Variants in SLCO6A1 observed in about 807,000 individuals in gnomAD.
SLCO6A1 encodes cancer/testis antigen 48.
In SLCO6A1, 65 loss-of-function variants were observed where a neutral mutation model predicts 72.7. The ratio of observed to expected loss-of-function variants is 0.89; its 90% CI spans 0.73 to 1.10. The LOEUF (loss-of-function observed/expected upper bound fraction) is 1.10. SLCO6A1 is among the 50% of genes least tolerant of loss of function. SLCO6A1 has a pLI of 0.00. For missense variants in SLCO6A1, 874 were observed against 872.6 expected (o/e 1.00, Z -0.02); for synonymous variants, 314 against 298.2 (o/e 1.05, Z -0.55).
At chr5:102,414,074 A>C (rs188360829) in intron 8 of SLCO6A1, among the ~76,000 whole-genome samples, 13 of 152,146 alleles carry the variant, frequency 8.5e-5, no homozygotes, top group African/African-American at 2.9e-4. Flanking sequence ...GTAGTTTTTA[A>C]ATTTCTGACA....
chr5:102,454,311 C>T lies in SLCO6A1; in HGVS notation c.1131+4071G>A, dbSNP rs183233853. ...ATGGATGCAGTCCCAAATTTAAATG[C>T]CACAGACCCTACTCTTCTAACCAAT... On this transcript the variant is annotated intron_variant, in intron 6 of 13. Transcript: ENST00000506729. Among the ~76,000 whole-genome samples the T allele has an allele frequency of 1.9e-3, 290 of 152,258 alleles. 3 individuals carry two copies. Among genetic ancestry groups the T allele is most frequent in the African/African-American group, 6.7e-3 (280 of 41,548 alleles).
Position 102,458,501 on chromosome 5 carries a change from A to T in SLCO6A1, c.1022-10T>A, listed in dbSNP as rs1238894960. 1.3e-6 allele frequency: 2 copies of T among 1,586,188 alleles called. No individual in the cohort carries two copies. Among genetic ancestry groups the T allele is most frequent in the African/African-American group, 2.7e-5 (2 of 73,728 alleles). ...TTTATCCGTGTTGAACCTATATATA[A>T]ACAAGTAAAAAAACTTATGACATAT... On this transcript the variant is annotated splice_polypyrimidine_tract_variant and intron_variant, in intron 5 of 13. Transcript: ENST00000506729.
chr5:102,449,187 G>A (rs572364704), intron 6 of SLCO6A1, among the ~76,000 whole-genome samples: 4 of 152,180 alleles, frequency 2.6e-5, no homozygotes, highest in South Asian at 2.1e-4. Context: ...CCAGAATATA[G>A]ACCCCCAATC....
chr5:102,406,859 G>A (rs180741724), intron 9 of SLCO6A1, among the ~76,000 whole-genome samples: 123 of 152,286 alleles, frequency 8.1e-4, no homozygotes, highest in Middle Eastern at 6.8e-3. Context: ...CTGGAAGATA[G>A]ATGAACAGAA....
At chr5:102,479,150 T>G (rs187468581) in intron 2 of SLCO6A1, among the ~76,000 whole-genome samples, 1 of 152,204 alleles carries the variant, frequency 6.6e-6, no homozygotes, top group East Asian at 1.9e-4. Flanking sequence ...GGGAGCAGAT[T>G]TCCCCCTTGC....
intron 4 of SLCO6A1, among the ~76,000 whole-genome samples, chr5:102,464,916 A>C (rs1221770643): frequency 6.6e-6 from 1 of 152,134 alleles, no homozygotes; most frequent in Non-Finnish European, 1.5e-5. Flanking sequence ...AAAAGTAGGG[A>C]GTGGAACTAT....
chr5:102,474,106 C>T (rs556057859), intron 4 of SLCO6A1, among the ~76,000 whole-genome samples: 1 of 151,852 alleles, frequency 6.6e-6, no homozygotes, highest in African/African-American at 2.4e-5. Flanking sequence ...TCAGAAAAGA[C>T]CCTGAACAGC....
chr5:102,449,808 C>T (rs561678442), intron 6 of SLCO6A1, among the ~76,000 whole-genome samples: 12 of 152,260 alleles, frequency 7.9e-5, no homozygotes, highest in African/African-American at 2.9e-4. Flanking sequence ...TAGACTTGGT[C>T]TATTAACATA....
chr5:102,398,775 T>C (rs1747239988), intron 10 of SLCO6A1, among the ~76,000 whole-genome samples: 1 of 152,268 alleles, frequency 6.6e-6, no homozygotes, highest in Admixed American at 6.5e-5. Flanking sequence ...CATACATTTT[T>C]TGGCTTCACT....
chr5:102,385,067 G>A (rs1214861284), intron 12 of SLCO6A1, among the ~76,000 whole-genome samples: 1 of 151,920 alleles, frequency 6.6e-6, no homozygotes, highest in Non-Finnish European at 1.5e-5. Flanking sequence ...TCTTTTTTCT[G>A]ATGGATGGAC....
chr5:102,477,681 T>G lies in SLCO6A1; in HGVS notation c.797A>C (p.Tyr266Ser), dbSNP rs745660581. 5.0e-5 allele frequency: 80 copies of G among 1,610,464 alleles called. No homozygotes were observed. Among genetic ancestry groups the G allele is most frequent in the Non-Finnish European group, 6.1e-5 (72 of 1,178,742 alleles). Reference sequence around the variant, plus strand: ...ATAGAGGGGGTAAAACTTGCCTAAATAGATACCAGCTGAGTGTGTAGCAAC... The same window carrying G: ...ATAGAGGGGGTAAAACTTGCCTAAAGAGATACCAGCTGAGTGTGTAGCAAC... Reference protein sequence around the residue: ...ENVATHSAGIYLGIAECTSMI... With the variant: ...ENVATHSAGISLGIAECTSMI... Residue 266 changes from tyrosine to serine, a missense_variant, in exon 3 of 14, where the codon TAT (tyrosine) becomes TCT (serine). Coordinates refer to ENST00000506729, the MANE Select transcript of SLCO6A1 (RefSeq NM_173488.5).
At chr5:102,496,208 A>T (rs1359196170) in intron 1 of SLCO6A1, among the ~76,000 whole-genome samples, 1 of 152,236 alleles carries the variant, frequency 6.6e-6, no homozygotes, top group Non-Finnish European at 1.5e-5. Context: ...ATAGGGAAAG[A>T]GAAGGCGAAG....
At chr5:102,398,397 C>T (rs1269743556) in intron 10 of SLCO6A1, among the ~76,000 whole-genome samples, 1 of 152,022 alleles carries the variant, frequency 6.6e-6, no homozygotes, top group Non-Finnish European at 1.5e-5. Context: ...AGGCTGGTCT[C>T]GAATTCCTGA....
chr5:102,376,720 G>A (rs1384245703), intron 12 of SLCO6A1, among the ~76,000 whole-genome samples: 1 of 152,026 alleles, frequency 6.6e-6, no homozygotes, highest in Non-Finnish European at 1.5e-5. Flanking sequence ...TGCAAAATAT[G>A]CATTTCTAGG....
At chr5:102,435,703 C>T (rs777966736) in intron 7 of SLCO6A1, among the ~76,000 whole-genome samples, 3 of 152,020 alleles carry the variant, frequency 2.0e-5, no homozygotes, top group Non-Finnish European at 2.9e-5. Context: ...GGAGAAACCC[C>T]GTCTCTACTA....
chr5:102,489,335 G>A (rs537032504), intron 1 of SLCO6A1, among the ~76,000 whole-genome samples: 2 of 152,168 alleles, frequency 1.3e-5, no homozygotes, highest in South Asian at 2.1e-4. Context: ...AGAATCATAT[G>A]GAAAAGGGGG....
intron 4 of SLCO6A1, among the ~76,000 whole-genome samples, chr5:102,473,817 T>C (rs967879888): frequency 1.1e-4 from 16 of 151,950 alleles, no homozygotes; most frequent in African/African-American, 3.9e-4. Flanking sequence ...CACACAAATA[T>C]CAGTTGTGTT....
Position 102,498,485 on chromosome 5 carries a change from A to G in SLCO6A1, c.358+2T>C. 1 of 1,610,264 alleles carries G rather than the reference A, an allele frequency of 6.2e-7. No homozygotes were observed. Among genetic ancestry groups the G allele is most frequent in the South Asian group, 1.1e-5 (1 of 90,964 alleles). ...ACAACAAACCGCCTCCTTCAGGCTC[A>G]CCTTGACATATGAGCAGGATGCAGT... On this transcript the variant is annotated splice_donor_variant, in intron 1 of 13. Transcript: ENST00000506729. LOFTEE classifies it high-confidence loss of function.
chr5:102,409,922 A>T (rs1747881433), intron 9 of SLCO6A1, among the ~76,000 whole-genome samples: 1 of 152,144 alleles, frequency 6.6e-6, no homozygotes, highest in South Asian at 2.1e-4. Context: ...AAGGTCAAAC[A>T]GTTTTACTGT....
Sources: allele counts gnomAD v4.1 joint callset (sites outside exome capture counted in the v4.1 genomes callset), GRCh38; gene constraint gnomAD v4.1.1; transcripts MANE v1.5; gene names NCBI Gene and HGNC (gene_info 2026-07-23, HGNC 2026-07-21).